The following THSD7B variants were observed in gnomAD, a reference collection of about 807,000 sequenced individuals.
The protein encoded by THSD7B is thrombospondin type-1 domain-containing protein 7B.
In THSD7B, 138 loss-of-function variants were observed where a neutral mutation model predicts 213.6. The observed-to-expected ratio is 0.65, with a 90% CI of 0.56 to 0.74. The LOEUF is 0.74. THSD7B is among the 30% of genes least tolerant of loss of function. The pLI, the probability that THSD7B is intolerant of heterozygous loss-of-function variation, is 0.00. For missense variants in THSD7B, 1,931 were observed against 1,991.5 expected (o/e 0.97, Z 0.58); for synonymous variants, 742 against 687.0 (o/e 1.08, Z -1.25).
At chr2:137,533,209 A>T (rs2105182103) in intron 15 of THSD7B, among the ~76,000 whole-genome samples, 1 of 151,934 alleles carries the variant, frequency 6.6e-6, no homozygotes, top group South Asian at 2.1e-4. Flanking sequence ...TTTTCAGATT[A>T]AATCATTTCT....
chr2:137,198,945 G>A (rs976676538), intron 7 of THSD7B, among the ~76,000 whole-genome samples: 6 of 152,204 alleles, frequency 3.9e-5, no homozygotes, highest in East Asian at 3.9e-4. Context: ...TATTTGAGTC[G>A]GGAGATTTGT....
At chr2:136,942,977 G>A (rs1684858699) in intron 2 of THSD7B, among the ~76,000 whole-genome samples, 1 of 152,146 alleles carries the variant, frequency 6.6e-6, no homozygotes, top group South Asian at 2.1e-4. Context: ...GTATGTTATT[G>A]GCTGTGGCTT....
chr2:137,621,808 T>G (rs1225712279), intron 20 of THSD7B, among the ~76,000 whole-genome samples: 1 of 152,188 alleles, frequency 6.6e-6, no homozygotes, highest in Non-Finnish European at 1.5e-5. Flanking sequence ...TGAAGAAAAT[T>G]GGTTTATTTG....
chr2:137,214,050 A>T (rs1681179367), intron 7 of THSD7B, among the ~76,000 whole-genome samples: 1 of 152,084 alleles, frequency 6.6e-6, no homozygotes, highest in Non-Finnish European at 1.5e-5. Context: ...TCTGAGATTG[A>T]TTTTTCATGC....
In THSD7B at chr2:137,113,657, G is replaced by C. The variant is rs575936074; in HGVS notation, c.1200-1467G>C. Among the ~76,000 whole-genome samples, 10 of 152,048 alleles carry C rather than the reference G, an allele frequency of 6.6e-5. No individual in the cohort carries two copies. In the South Asian group the frequency reaches 2.1e-3, roughly 32 times the overall value. ...TCTCCATGTTGGCCAGGCTGGTCTC[G>C]AACTCCTGACCTCAGGTGATCCGCC... is the stretch of plus-strand genomic sequence containing the variant. On this transcript the variant is annotated intron_variant, in intron 4 of 27. Coordinates refer to ENST00000409968, the MANE Select transcript of THSD7B (RefSeq NM_001316349.2).
intron 16 of THSD7B, among the ~76,000 whole-genome samples, chr2:137,568,997 TTTG>T (rs1256602377): frequency 2.0e-5 from 3 of 152,184 alleles, no homozygotes; most frequent in Non-Finnish European, 2.9e-5. Context: ...AGGTGAGGAC[TTTG>T]TGATGGGAAG....
intron 14 of THSD7B, among the ~76,000 whole-genome samples, chr2:137,426,155 A>G (rs1165443367): frequency 6.6e-6 from 1 of 152,204 alleles, no homozygotes; most frequent in Non-Finnish European, 1.5e-5. Flanking sequence ...AAACTATAAA[A>G]CATCAATGAA....
At chr2:137,538,516 G>A (rs1175371961) in intron 15 of THSD7B, 1 of 515,910 alleles carries the variant, frequency 1.9e-6, no homozygotes. Flanking sequence ...AATCTGTTTT[G>A]ATCTTTATTG....
chr2:137,186,121 T>C (rs1680546499), intron 7 of THSD7B, among the ~76,000 whole-genome samples: 1 of 152,180 alleles, frequency 6.6e-6, no homozygotes. Context: ...TTGTTGATTT[T>C]GGATATTAGG....
Position 137,094,899 on chromosome 2 carries a change from T to C in THSD7B, c.977T>C (p.Leu326Ser). Residue 326 changes from leucine to serine, a missense_variant, in exon 4 of 28, where the codon TTG becomes TCG. Coordinates refer to ENST00000409968, the MANE Select transcript of THSD7B (RefSeq NM_001316349.2). ...LSLCLQDSFP[L>S]TVQSCIMPKD... Reference sequence around the variant, plus strand: ...CTTTGCCTTCAAGATTCCTTCCCATTGACTGTTCAGTCCTGCATCATGCCC... The same window carrying C: ...CTTTGCCTTCAAGATTCCTTCCCATCGACTGTTCAGTCCTGCATCATGCCC... 6.2e-7 allele frequency: 1 copy of C among 1,613,676 alleles called. No homozygotes were observed. Among genetic ancestry groups the C allele is most frequent in the Non-Finnish European group, 8.5e-7 (1 of 1,179,666 alleles).
chr2:136,840,497 C>T (rs1207705239), intron 1 of THSD7B, among the ~76,000 whole-genome samples: 1 of 152,092 alleles, frequency 6.6e-6, no homozygotes, highest in Non-Finnish European at 1.5e-5. Context: ...GCTAGGCAGG[C>T]AGAAGAGGAG....
intron 26 of THSD7B, among the ~76,000 whole-genome samples, chr2:137,664,911 C>A (rs1683419219): frequency 6.6e-6 from 1 of 152,176 alleles, no homozygotes; most frequent in Admixed American, 6.5e-5. Flanking sequence ...GGCAAATATA[C>A]CCTAGGAACT....
chr2:137,354,569 A>G (rs1685087302), intron 12 of THSD7B, among the ~76,000 whole-genome samples: 1 of 152,054 alleles, frequency 6.6e-6, no homozygotes, highest in South Asian at 2.1e-4. Flanking sequence ...TTATTTTATA[A>G]TTTTTAGTAT....
intron 12 of THSD7B, among the ~76,000 whole-genome samples, chr2:137,292,727 G>A (rs1195489128): frequency 6.6e-6 from 1 of 151,842 alleles, no homozygotes; most frequent in Non-Finnish European, 1.5e-5. Flanking sequence ...ATATTTGTTG[G>A]GCTTAAAAGA....
At chr2:137,186,440 A>C (rs897572231) in intron 7 of THSD7B, among the ~76,000 whole-genome samples, 1 of 152,074 alleles carries the variant, frequency 6.6e-6, no homozygotes, top group Non-Finnish European at 1.5e-5. Context: ...ATTCTTCCGC[A>C]AATGGCTAGA....
At chr2:137,396,994 T>A (rs534890713) in intron 12 of THSD7B, among the ~76,000 whole-genome samples, 1 of 140,470 alleles carries the variant, frequency 7.1e-6, no homozygotes, top group East Asian at 2.0e-4. Flanking sequence ...AACCCCTGCC[T>A]TTTTTTGTTT....
At chr2:137,233,967 G>A (rs1298080504) in intron 9 of THSD7B, among the ~76,000 whole-genome samples, 1 of 152,176 alleles carries the variant, frequency 6.6e-6, no homozygotes, top group Non-Finnish European at 1.5e-5. Context: ...AGGATGAGCT[G>A]GTGCCAGCTT....
chr2:137,344,796 C>T (rs576333252), intron 12 of THSD7B, among the ~76,000 whole-genome samples: 16 of 151,748 alleles, frequency 1.1e-4, no homozygotes, highest in African/African-American at 3.6e-4. Flanking sequence ...GGTTAGTCAA[C>T]ATTAACAGAA....
intron 2 of THSD7B, among the ~76,000 whole-genome samples, chr2:137,024,653 T>C (rs1250186401): frequency 2.0e-5 from 3 of 152,088 alleles, no homozygotes; most frequent in African/African-American, 4.8e-5. Context: ...AATTGATATT[T>C]AATACATAGC....
Sources: gnomAD v4.1 joint callset for allele counts (sites outside exome capture counted in the v4.1 genomes callset) on GRCh38, gnomAD v4.1.1 for gene constraint, MANE v1.5 for transcripts, NCBI Gene and HGNC (gene_info 2026-07-23, HGNC 2026-07-21) for gene names.